ADARB2: variants seen among roughly 807,000 people sequenced by gnomAD.
The protein encoded by ADARB2 is adenosine deaminase RNA specific B2 (inactive), also known as inactive double-stranded RNA-specific editase B2.
ADARB2 carries 25 observed loss-of-function variants against 62.2 expected under a neutral mutation model. The ratio of observed to expected loss-of-function variants is 0.40; its 90% confidence interval spans 0.29 to 0.56. The LOEUF is 0.56. Ranked by LOEUF, ADARB2 falls within the 20% of genes least tolerant of loss-of-function variation. The pLI, the probability that ADARB2 is intolerant of heterozygous loss-of-function variation, is 0.43. For synonymous variants in ADARB2, 572 were observed against 500.8 expected (o/e 1.14, Z -1.90); for missense variants, 1,071 against 1,077.4 (o/e 0.99, Z 0.08).
At chr10:1,622,720 G>T (rs1358190653) in intron 1 of ADARB2, among the ~76,000 whole-genome samples, 1 of 152,190 alleles carries the variant, frequency 6.6e-6, no homozygotes, top group Non-Finnish European at 1.5e-5. Flanking sequence ...CTCATGCGTG[G>T]CTGCTCAGCA....
intron 4 of ADARB2, among the ~76,000 whole-genome samples, chr10:1,263,500 C>T (rs992889894): frequency 3.9e-5 from 6 of 152,058 alleles, no homozygotes; most frequent in Non-Finnish European, 5.9e-5. Flanking sequence ...TATAATATGG[C>T]GTTGGATTTT....
chr10:1,440,702 A>G (rs1368039008), intron 1 of ADARB2, among the ~76,000 whole-genome samples: 1 of 152,248 alleles, frequency 6.6e-6, no homozygotes, highest in Admixed American at 6.5e-5. Context: ...CTGGTCCAAG[A>G]TAAGCTATGA....
Position 1,417,569 on chromosome 10 carries a change from C to T in ADARB2, c.101-38409G>A, listed in dbSNP as rs371970302. ...GTAAGTGATATTCCTAAAATCACAT[C>T]AAAACAGGCAGGTGTGGAGTTTGCA... On this transcript the variant is annotated intron_variant, in intron 1 of 9. Transcript: ENST00000381312. Among the ~76,000 whole-genome samples, 10 of 152,346 alleles carry T rather than the reference C, an allele frequency of 6.6e-5. 1 individual carries two copies. The highest frequency in any genetic ancestry group is 2.4e-4 in the African/African-American group (10 of 41,576).
At chr10:1,686,554 G>A (rs533092216) in intron 1 of ADARB2, among the ~76,000 whole-genome samples, 4 of 152,188 alleles carry the variant, frequency 2.6e-5, no homozygotes, top group Middle Eastern at 3.2e-3. Flanking sequence ...AGGAGTAGCC[G>A]AACGTTCCCT....
chr10:1,263,265 A>G (rs1306677624), intron 4 of ADARB2, among the ~76,000 whole-genome samples: 3 of 152,214 alleles, frequency 2.0e-5, no homozygotes, highest in Non-Finnish European at 4.4e-5. Context: ...CATGTACCCT[A>G]AAACTTAAAG....
chr10:1,733,713 T>TA (rs1564207777), intron 1 of ADARB2, among the ~76,000 whole-genome samples: 1 of 152,242 alleles, frequency 6.6e-6, no homozygotes, highest in African/African-American at 2.4e-5. Context: ...AGCTATTTTC[T>TA]AATACAGGCA....
chr10:1,204,013 T>C (rs138318628), intron 7 of ADARB2, among the ~76,000 whole-genome samples: 35 of 152,252 alleles, frequency 2.3e-4, no homozygotes, highest in African/African-American at 8.4e-4. Flanking sequence ...TCCGTGTTGG[T>C]TCTGGGGTCA....
chr10:1,369,046 C>T (rs1413214810), intron 2 of ADARB2, among the ~76,000 whole-genome samples: 1 of 152,068 alleles, frequency 6.6e-6, no homozygotes, highest in Non-Finnish European at 1.5e-5. Flanking sequence ...CCCTGGCGGC[C>T]TCTTGCTGTA....
chr10:1,373,005 A>G (rs1832386328), intron 2 of ADARB2, among the ~76,000 whole-genome samples: 1 of 152,220 alleles, frequency 6.6e-6, no homozygotes, highest in East Asian at 1.9e-4. Flanking sequence ...AAACAAATGG[A>G]AAACCATCCC....
intron 1 of ADARB2, among the ~76,000 whole-genome samples, chr10:1,518,950 C>CCT (rs1832040532): frequency 6.6e-6 from 1 of 151,862 alleles, no homozygotes; most frequent in African/African-American, 2.4e-5. Context: ...TGGTCATACG[C>CCT]ATGCATTCCA....
At chr10:1,713,410 A>G (rs2119154112) in intron 1 of ADARB2, among the ~76,000 whole-genome samples, 1 of 152,328 alleles carries the variant, frequency 6.6e-6, no homozygotes, top group East Asian at 1.9e-4. Flanking sequence ...AGCATATTAC[A>G]GTAGGATGGG....
At chr10:1,644,304 C>G (rs371220050) in intron 1 of ADARB2, among the ~76,000 whole-genome samples, 1 of 152,222 alleles carries the variant, frequency 6.6e-6, no homozygotes, top group Non-Finnish European at 1.5e-5. Flanking sequence ...TCAATGTCCC[C>G]GAGCTGCCAT....
intron 1 of ADARB2, among the ~76,000 whole-genome samples, chr10:1,456,586 C>G (rs1252680869): frequency 6.6e-6 from 1 of 152,146 alleles, no homozygotes; most frequent in Non-Finnish European, 1.5e-5. Context: ...GCCTCAGCAA[C>G]GATCCTGCAA....
intron 8 of ADARB2, among the ~76,000 whole-genome samples, chr10:1,195,400 GTT>G (rs1236059124): frequency 8.6e-6 from 1 of 116,436 alleles, no homozygotes; most frequent in African/African-American, 4.5e-5. Flanking sequence ...TTTTTTTTTT[GTT>G]TTTTTTTTTT....
At chr10:1,342,730 C>T (rs1451288839) in intron 3 of ADARB2, among the ~76,000 whole-genome samples, 1 of 152,212 alleles carries the variant, frequency 6.6e-6, no homozygotes, top group Non-Finnish European at 1.5e-5. Flanking sequence ...TCTTTGTCCA[C>T]CTGACTGTAT....
At chr10:1,411,363 C>T (rs1832758278) in intron 1 of ADARB2, among the ~76,000 whole-genome samples, 1 of 152,210 alleles carries the variant, frequency 6.6e-6, no homozygotes, top group African/African-American at 2.4e-5. Context: ...CCCGTCCCCA[C>T]CAGCCCAGGG....
chr10:1,505,086 GAC>G (rs779183304), intron 1 of ADARB2, among the ~76,000 whole-genome samples: 16 of 149,572 alleles, frequency 1.1e-4, no homozygotes, highest in Non-Finnish European at 2.1e-4. Flanking sequence ...ATGCACACAG[GAC>G]ACACACACAC....
chr10:1,535,216 G>A (rs12570733), intron 1 of ADARB2, among the ~76,000 whole-genome samples: 2 of 152,190 alleles, frequency 1.3e-5, no homozygotes, highest in East Asian at 1.9e-4. Context: ...CGCCGTCCCC[G>A]GGCAACACAG....
At chr10:1,643,554 T>G (rs1834002396) in intron 1 of ADARB2, among the ~76,000 whole-genome samples, 1 of 152,006 alleles carries the variant, frequency 6.6e-6, no homozygotes, top group Non-Finnish European at 1.5e-5. Context: ...GCTTCACCAG[T>G]ATGGGGAAGT....
Sources: gnomAD v4.1 joint callset for allele counts (sites outside exome capture counted in the v4.1 genomes callset) on GRCh38, gnomAD v4.1.1 for gene constraint, MANE v1.5 for transcripts, NCBI Gene and HGNC (gene_info 2026-07-23, HGNC 2026-07-21) for gene names.